SLCO5A1: variants seen among roughly 807,000 people sequenced by gnomAD.
SLCO5A1 encodes the protein organic anion transporter polypeptide-related protein 4.
Under a neutral mutation model 65.1 loss-of-function variants are expected in SLCO5A1, and 39 were observed. The ratio of observed to expected loss-of-function variants is 0.60; its 90% confidence interval spans 0.46 to 0.78. The LOEUF is 0.78. Ranked by LOEUF, SLCO5A1 falls within the 30% of genes least tolerant of loss-of-function variation. The probability of loss-of-function intolerance (pLI) is 0.00; values close to 1 mark genes in which losing one functional copy is unlikely to be tolerated. For synonymous variants in SLCO5A1, 438 were observed against 415.7 expected, an observed-to-expected ratio of 1.05 and a Z score of -0.65; for missense variants, 1,029 against 1,069.4, an observed-to-expected ratio of 0.96 and a Z score of 0.53.
chr8:69,784,728 C>G (rs1818934053), intron 2 of SLCO5A1, among the ~76,000 whole-genome samples: 2 of 149,712 alleles, frequency 1.3e-5, no homozygotes, highest in South Asian at 2.1e-4. Flanking sequence ...GCAGAGGCTA[C>G]AGTGAGTCAA....
intron 2 of SLCO5A1, among the ~76,000 whole-genome samples, chr8:69,787,898 C>G (rs1001197664): frequency 6.6e-5 from 10 of 152,284 alleles, no homozygotes; most frequent in African/African-American, 2.4e-4. Context: ...TCTACACAAA[C>G]TGACTTAAAA....
intron 2 of SLCO5A1, among the ~76,000 whole-genome samples, chr8:69,827,743 T>C (rs1820984611): frequency 6.6e-6 from 1 of 152,232 alleles, no homozygotes; most frequent in Admixed American, 6.5e-5. Flanking sequence ...TCGTTATTTA[T>C]TGGGAAAGGT....
intron 2 of SLCO5A1, among the ~76,000 whole-genome samples, chr8:69,778,231 GT>G (rs1818647282): frequency 8.0e-5 from 7 of 87,966 alleles, no homozygotes; most frequent in Non-Finnish European, 1.1e-4. Flanking sequence ...TGTATGGGGT[GT>G]GTGTGTGTGT....
At chr8:69,750,024 T>A (rs1469536479) in intron 4 of SLCO5A1, among the ~76,000 whole-genome samples, 4 of 152,180 alleles carry the variant, frequency 2.6e-5, no homozygotes. Flanking sequence ...TGAGACTCTC[T>A]GGCACGTTTG....
chr8:69,720,748 G>A (rs113467471), intron 5 of SLCO5A1, among the ~76,000 whole-genome samples: 14 of 152,182 alleles, frequency 9.2e-5, no homozygotes, highest in African/African-American at 3.4e-4. Context: ...TTGGAAGGGC[G>A]CTAGAGCAGA....
rs1284061824 is a variant in SLCO5A1, at chr8:69,831,832, A to G, written c.842T>C (p.Ile281Thr). Residue 281 changes from isoleucine to threonine, a missense_variant, in exon 2 of 10, where the codon ATT (isoleucine) becomes ACT (threonine). Coordinates refer to ENST00000260126, the MANE Select transcript of SLCO5A1 (RefSeq NM_030958.3). ...QILIGMGSTP[I>T]YTLGPTYLDD... is the part of the protein sequence containing the mutation. ...TAAGTAGGTTGGTCCCAGGGTATAAATAGGTGTGGAGCCCATTCCAATGAG... is the reference window on the plus strand; with the variant it reads ...TAAGTAGGTTGGTCCCAGGGTATAAGTAGGTGTGGAGCCCATTCCAATGAG... 6.2e-7 allele frequency: 1 copy of G among 1,614,132 alleles called. No individual in the cohort carries two copies. Among genetic ancestry groups the G allele is most frequent in the Non-Finnish European group, 8.5e-7 (1 of 1,180,022 alleles).
At chr8:69,757,011 C>G (rs556302497) in intron 3 of SLCO5A1, among the ~76,000 whole-genome samples, 1 of 152,174 alleles carries the variant, frequency 6.6e-6, no homozygotes, top group Non-Finnish European at 1.5e-5. Flanking sequence ...TAAGTATTAA[C>G]GCTGAATTCA....
intron 2 of SLCO5A1, among the ~76,000 whole-genome samples, chr8:69,768,217 G>A (rs570993995): frequency 6.6e-6 from 1 of 152,318 alleles, no homozygotes; most frequent in South Asian, 2.1e-4. Flanking sequence ...GTGCAACAGA[G>A]TAAGACCTTG....
At chr8:69,695,380 AGCTACTCAGGAGGCTGAG>A (rs1413257181) in intron 6 of SLCO5A1, among the ~76,000 whole-genome samples, 1 of 152,066 alleles carries the variant, frequency 6.6e-6, no homozygotes, top group African/African-American at 2.4e-5. Flanking sequence ...CTGTAATCTC[AGCTACTCAGGAGGCTGAG>A]GCAGGGATAA....
At chr8:69,724,685 G>A (rs1815983922) in intron 5 of SLCO5A1, among the ~76,000 whole-genome samples, 1 of 152,182 alleles carries the variant, frequency 6.6e-6, no homozygotes, top group Non-Finnish European at 1.5e-5. Flanking sequence ...AGAAAAAAGA[G>A]TAAGGTATTT....
chr8:69,756,435 C>T (rs1817544609), intron 3 of SLCO5A1, among the ~76,000 whole-genome samples: 1 of 152,114 alleles, frequency 6.6e-6, no homozygotes, highest in Non-Finnish European at 1.5e-5. Flanking sequence ...TGTATTGCCT[C>T]CCACTTAGCT....
Position 69,672,965 on chromosome 8 carries a change from T to C in SLCO5A1, c.2451A>G (p.Ala817=). ...GGAAGGGCCCCGGGTAGGTCTGTGC[T>C]GCGCACTGGATCCCTTTTTGCAGGC... ...ETGLQKGIQC[A]AQTYPGPFPE... Residue 817 remains alanine (A), a synonymous_variant, in exon 10 of 10, where the codon GCA becomes GCG. Transcript: ENST00000260126. 6.2e-7 allele frequency: 1 copy of C among 1,614,244 alleles called. No individual in the cohort carries two copies. The highest frequency in any genetic ancestry group is 1.7e-5 in the Admixed American group (1 of 60,032).
chr8:69,690,021 C>A (rs373912878), intron 6 of SLCO5A1, among the ~76,000 whole-genome samples: 6 of 151,098 alleles, frequency 4.0e-5, no homozygotes, highest in African/African-American at 1.4e-4. Flanking sequence ...TCAGCAAGGC[C>A]GGTGGACCCC....
chr8:69,719,335 G>A (rs994053112), intron 5 of SLCO5A1, among the ~76,000 whole-genome samples: 5 of 152,096 alleles, frequency 3.3e-5, no homozygotes, highest in African/African-American at 7.2e-5. Context: ...TTTTACAAGC[G>A]CAAACATACT....
chr8:69,725,436 G>A (rs972898170), intron 5 of SLCO5A1, among the ~76,000 whole-genome samples: 1 of 150,848 alleles, frequency 6.6e-6, no homozygotes, highest in Non-Finnish European at 1.5e-5. Context: ...TCCATCTCAT[G>A]TACCAAGGGA....
intron 2 of SLCO5A1, among the ~76,000 whole-genome samples, chr8:69,775,514 C>T (rs1045234429): frequency 6.6e-6 from 1 of 152,132 alleles, no homozygotes; most frequent in Non-Finnish European, 1.5e-5. Flanking sequence ...TTATACACTT[C>T]ATCAGATCTT....
At chr8:69,696,985 A>G (rs188250970) in intron 6 of SLCO5A1, among the ~76,000 whole-genome samples, 37 of 152,358 alleles carry the variant, frequency 2.4e-4, no homozygotes, top group African/African-American at 8.9e-4. Context: ...AATATGAGAG[A>G]ATAAATTAAA....
chr8:69,687,175 G>C (rs1329998119), intron 6 of SLCO5A1, among the ~76,000 whole-genome samples: 1 of 152,166 alleles, frequency 6.6e-6, no homozygotes, highest in Admixed American at 6.5e-5. Flanking sequence ...TACTCCTACA[G>C]AGAATGGTGG....
Position 69,667,135 on chromosome 8 carries a change from A to C in SLCO5A1, c.*5734T>G, listed in dbSNP as rs926930522. 1.3e-5 allele frequency: 2 copies of C among 152,238 alleles called. No homozygotes were observed. Among genetic ancestry groups the C allele is most frequent in the Admixed American group, 6.5e-5 (1 of 15,282 alleles). 9.4% of individuals were successfully genotyped at this position (152,238 alleles called of 1,614,324 possible). A position where few individuals can be genotyped will look rare whatever the true frequency, so the allele number is the denominator to read the frequency against. On this transcript the variant is annotated 3_prime_UTR_variant, in exon 10 of 10. Transcript: ENST00000260126. Reference sequence around the variant, plus strand: ...AGATGCTGTAAACCAAGATTAGTACATCGACAACAGATTTCATTAAACACA... The same window carrying C: ...AGATGCTGTAAACCAAGATTAGTACCTCGACAACAGATTTCATTAAACACA...
Sources: allele counts gnomAD v4.1 joint callset (sites outside exome capture counted in the v4.1 genomes callset), GRCh38; gene constraint gnomAD v4.1.1; transcripts MANE v1.5; gene names NCBI Gene and HGNC (gene_info 2026-07-23, HGNC 2026-07-21).